The following PLXDC2 variants were observed in gnomAD, a reference collection of about 807,000 sequenced individuals.
PLXDC2 encodes the protein plexin domain containing 2.
A neutral mutation model predicts 68.9 loss-of-function variants in PLXDC2; 40 were observed. That is an observed-to-expected ratio of 0.58 (90% CI 0.45 to 0.76). The LOEUF (loss-of-function observed/expected upper bound fraction) is 0.76, where lower values mean the gene tolerates loss of function less well. PLXDC2 is among the 30% of genes least tolerant of loss of function. The pLI is 0.00. For synonymous variants in PLXDC2, 243 were observed against 234.2 expected (o/e 1.04, Z -0.34); for missense variants, 644 against 661.9 (o/e 0.97, Z 0.30).
intron 1 of PLXDC2, among the ~76,000 whole-genome samples, chr10:19,897,503 C>T (rs1353215830): frequency 2.0e-5 from 3 of 152,120 alleles, no homozygotes; most frequent in African/African-American, 7.2e-5. Context: ...CCTCGGCCTC[C>T]CAAAGTGCTG....
chr10:20,081,711 C>T (rs188804655), intron 4 of PLXDC2, among the ~76,000 whole-genome samples: 60 of 152,106 alleles, frequency 3.9e-4, no homozygotes, highest in Non-Finnish European at 7.2e-4. Context: ...AATACTCAAC[C>T]AGTATTCCTC....
At chr10:20,177,483 T>TA in intron 9 of PLXDC2, 74 bp downstream of exon 9, 1 of 759,324 alleles carries the variant, frequency 1.3e-6, no homozygotes, top group East Asian at 4.5e-5. Flanking sequence ...AAAAATAACT[T>TA]ATGGACAGGT....
At chr10:20,020,637 C>G (rs563441435) in intron 2 of PLXDC2, among the ~76,000 whole-genome samples, 1 of 152,064 alleles carries the variant, frequency 6.6e-6, no homozygotes, top group East Asian at 1.9e-4. Flanking sequence ...AAACACTATT[C>G]CTTAATGTTC....
At chr10:20,264,316 G>T (rs1420509019) in intron 13 of PLXDC2, among the ~76,000 whole-genome samples, 3 of 152,124 alleles carry the variant, frequency 2.0e-5, no homozygotes, top group Non-Finnish European at 4.4e-5. Flanking sequence ...GTCTGCTTGA[G>T]GGGGAAGGGT....
chr10:20,183,166 A>G (rs1234788087), intron 9 of PLXDC2, among the ~76,000 whole-genome samples: 2 of 151,978 alleles, frequency 1.3e-5, no homozygotes, highest in Non-Finnish European at 2.9e-5. Flanking sequence ...ATCAGACTTC[A>G]AGTGGAAATG....
chr10:20,084,427 A>G (rs1379849505), intron 4 of PLXDC2, among the ~76,000 whole-genome samples: 3 of 152,194 alleles, frequency 2.0e-5, no homozygotes, highest in African/African-American at 7.2e-5. Context: ...GAGAACACCC[A>G]GTAACACCTC....
intron 1 of PLXDC2, among the ~76,000 whole-genome samples, chr10:19,912,274 T>G (rs938937463): frequency 6.6e-6 from 1 of 152,222 alleles, no homozygotes; most frequent in Admixed American, 6.5e-5. Context: ...CTTGTTTTAT[T>G]CTTTGTCTAT....
chr10:20,085,209 T>TAA (rs10633088), intron 4 of PLXDC2, among the ~76,000 whole-genome samples: 12,187 of 148,648 alleles, frequency 0.082, 1,047 homozygotes, highest in African/African-American at 0.22. Context: ...GGTTTTTTGT[T>TAA]AAAAAAAAAA....
chr10:19,925,473 G>T (rs1302698859), intron 1 of PLXDC2, among the ~76,000 whole-genome samples: 2 of 152,296 alleles, frequency 1.3e-5, no homozygotes, highest in East Asian at 3.9e-4. Context: ...ATTAACATTT[G>T]CATTCATATC....
chr10:20,271,387 C>T (rs1835939043), intron 13 of PLXDC2, among the ~76,000 whole-genome samples: 1 of 152,106 alleles, frequency 6.6e-6, no homozygotes, highest in African/African-American at 2.4e-5. Context: ...TGGGGCCAGA[C>T]ATTTCAGAGA....
intron 13 of PLXDC2, among the ~76,000 whole-genome samples, chr10:20,278,995 C>T (rs1564374699): frequency 6.6e-6 from 1 of 152,094 alleles, no homozygotes; most frequent in Non-Finnish European, 1.5e-5. Flanking sequence ...GAAATGCTCT[C>T]TTTTTGTCAA....
At chr10:20,221,005 G>C (rs181171032) in intron 12 of PLXDC2, among the ~76,000 whole-genome samples, 168 of 151,874 alleles carry the variant, frequency 1.1e-3, no homozygotes, top group African/African-American at 3.8e-3. Context: ...ACTACGCCTG[G>C]CTAATTTTTG....
At chr10:19,844,244 G>A (rs1836960249) in intron 1 of PLXDC2, among the ~76,000 whole-genome samples, 1 of 152,176 alleles carries the variant, frequency 6.6e-6, no homozygotes, top group Non-Finnish European at 1.5e-5. Context: ...CGGATTTTTA[G>A]TGGAGAAACT....
chr10:20,158,523 A>AAAAAAAAAAAAAAAAAAAAAAAAAAAAG (rs1834247631), intron 6 of PLXDC2, among the ~76,000 whole-genome samples: 1 of 124,580 alleles, frequency 8.0e-6, no homozygotes, highest in Non-Finnish European at 1.8e-5. Flanking sequence ...AAAAAAAAAA[A>AAAAAAAAAAAAAAAAAAAAAAAAAAAAG]AAAATTAAAA....
At chr10:20,103,509 T>G (rs2131741391) in intron 4 of PLXDC2, among the ~76,000 whole-genome samples, 1 of 151,846 alleles carries the variant, frequency 6.6e-6, no homozygotes, top group East Asian at 1.9e-4. Context: ...AACAAACCAT[T>G]AAAAGAATGT....
In PLXDC2 at chr10:20,190,390, G is replaced by A. The variant is rs537347380; in HGVS notation, c.1061+12981G>A. Among the ~76,000 whole-genome samples, 8 of 151,880 alleles carry A rather than the reference G, an allele frequency of 5.3e-5. No homozygotes were observed. In the South Asian group the frequency reaches 1.0e-3, roughly 20 times the overall value. On this transcript the variant is annotated intron_variant, in intron 9 of 13. Transcript: ENST00000377252. ...TTTAAGAACAGTAGGTGCTAAATTG[G>A]TATGGAAAAAAATATCCTTAGAGGA...
intron 4 of PLXDC2, among the ~76,000 whole-genome samples, chr10:20,082,240 A>G (rs950220236): frequency 1.3e-5 from 2 of 151,612 alleles, no homozygotes; most frequent in African/African-American, 4.9e-5. Flanking sequence ...TTATATATCA[A>G]TATTCAATAT....
At chr10:20,038,247 A>C (rs1835615871) in intron 2 of PLXDC2, among the ~76,000 whole-genome samples, 1 of 150,652 alleles carries the variant, frequency 6.6e-6, no homozygotes, top group African/African-American at 2.5e-5. Context: ...AAAAAATAAA[A>C]AAAAAAATTT....
At chr10:20,062,603 C>T (rs570178011) in intron 3 of PLXDC2, among the ~76,000 whole-genome samples, 1 of 152,130 alleles carries the variant, frequency 6.6e-6, no homozygotes, top group South Asian at 2.1e-4. Flanking sequence ...AATACAGTTC[C>T]ATATACTTCC....
Sources: gnomAD v4.1 joint callset for allele counts (sites outside exome capture counted in the v4.1 genomes callset) on GRCh38, gnomAD v4.1.1 for gene constraint, MANE v1.5 for transcripts, NCBI Gene and HGNC (gene_info 2026-07-23, HGNC 2026-07-21) for gene names.